The following NCOA1 variants were observed in gnomAD, a reference collection of about 807,000 sequenced individuals.
NCOA1 encodes Hin-2 protein.
In NCOA1, 35 loss-of-function variants were observed where a neutral mutation model predicts 150.9. The ratio of observed to expected loss-of-function variants is 0.23; its 90% CI spans 0.18 to 0.31. NCOA1 has a LOEUF of 0.31. Among genes scored for constraint, NCOA1 ranks in the 10% least tolerant of loss-of-function variants. NCOA1 has a pLI of 1.00. For missense variants in NCOA1, 1,491 were observed against 1,749.3 expected (o/e 0.85, Z 2.63); for synonymous variants, 590 against 630.0 (o/e 0.94, Z 0.95).
chr2:24,536,530 T>C lies in NCOA1; in HGVS notation c.-395-27765T>C, dbSNP rs181449100. On this transcript the variant is annotated intron_variant, in intron 1 of 22. Transcript: ENST00000348332. ...GCTGCAATTCTTTGGAGAAGAAGAG[T>C]CGCTCTGGTTTTTAGAAACCAGCTT... Among the ~76,000 whole-genome samples, 46 of 151,988 alleles carry C rather than the reference T, an allele frequency of 3.0e-4. 1 individual carries two copies. The highest frequency in any genetic ancestry group is 4.6e-4 in the Admixed American group (7 of 15,242).
At position 24,769,801 on chromosome 2, in the gene NCOA1, T is replaced by TC. The variant is rs1665234547; in HGVS notation, c.*1410_*1411insC. The TC allele has an allele frequency of 4.5e-6, 1 of 223,336 alleles. No homozygotes were observed. The highest frequency in any genetic ancestry group is 1.8e-4 in the South Asian group (1 of 5,456). 13.8% of individuals were successfully genotyped at this position (223,336 alleles called of 1,614,324 possible). ...AGTTCCGCTGCAAGGCCAGGAAAGC[T>TC]TGAGAAAGGTATTGTGGAAGAAGCA... On this transcript the variant is annotated 3_prime_UTR_variant, in exon 23 of 23. Transcript: ENST00000348332.
intron 20 of NCOA1, among the ~76,000 whole-genome samples, chr2:24,757,120 T>C (rs1664542680): frequency 6.6e-6 from 1 of 152,192 alleles, no homozygotes. Flanking sequence ...CAACAAGCTA[T>C]AGGATATTGA....
intron 3 of NCOA1, among the ~76,000 whole-genome samples, chr2:24,638,624 T>G (rs1305548180): frequency 6.6e-6 from 1 of 152,182 alleles, no homozygotes; most frequent in Non-Finnish European, 1.5e-5. Context: ...TTAAGAGTTC[T>G]CTTTTCTCCA....
chr2:24,631,522 A>G (rs779360710), intron 3 of NCOA1, among the ~76,000 whole-genome samples: 11 of 152,310 alleles, frequency 7.2e-5, no homozygotes, highest in Middle Eastern at 3.4e-3. Context: ...AGGCATGTAA[A>G]TACTGTACTC....
chr2:24,580,483 A>C (rs1667152284), intron 2 of NCOA1, among the ~76,000 whole-genome samples: 1 of 152,038 alleles, frequency 6.6e-6, no homozygotes, highest in Non-Finnish European at 1.5e-5. Context: ...TTTAGACTGG[A>C]TAGTATCTAT....
chr2:24,722,237 C>G (rs1344075948), intron 14 of NCOA1, among the ~76,000 whole-genome samples: 1 of 152,126 alleles, frequency 6.6e-6, no homozygotes, highest in Non-Finnish European at 1.5e-5. Flanking sequence ...AGCAGTGTGG[C>G]CAAGTGATTT....
chr2:24,655,109 A>C (rs1670874215), intron 4 of NCOA1, among the ~76,000 whole-genome samples: 1 of 152,178 alleles, frequency 6.6e-6, no homozygotes, highest in Non-Finnish European at 1.5e-5. Context: ...TGTAAATTTT[A>C]TTCACTGCTC....
chr2:24,513,195 T>G (rs1463091929), intron 1 of NCOA1, among the ~76,000 whole-genome samples: 1 of 152,146 alleles, frequency 6.6e-6, no homozygotes, highest in African/African-American at 2.4e-5. Context: ...ATCTTAACAT[T>G]TTGCCTTATT....
chr2:24,666,050 C>T (rs1370509827), intron 6 of NCOA1, 135 bp downstream of exon 6: 4 of 488,704 alleles, frequency 8.2e-6, no homozygotes, highest in Non-Finnish European at 1.1e-5. Context: ...CCCGCTCTGT[C>T]GCCCAGGCTG....
intron 1 of NCOA1, among the ~76,000 whole-genome samples, chr2:24,514,983 G>A (rs1249262910): frequency 6.6e-6 from 1 of 152,138 alleles, no homozygotes; most frequent in African/African-American, 2.4e-5. Flanking sequence ...GGATTAAGAA[G>A]CAAGTGTGTG....
intron 21 of NCOA1, among the ~76,000 whole-genome samples, chr2:24,759,962 C>G (rs1281659053): frequency 6.6e-6 from 1 of 151,486 alleles, no homozygotes; most frequent in African/African-American, 2.4e-5. Flanking sequence ...ATTCTACTTA[C>G]AAATTTATAA....
Position 24,704,947 on chromosome 2 carries a change from A to G in NCOA1, c.950-139A>G, listed in dbSNP as rs568927947. On this transcript the variant is annotated intron_variant, in intron 11 of 22. Transcript: ENST00000348332. Reference sequence around the variant, plus strand: ...CTCAGATATCTGCTTTGTCTGAACTATTCTTTATTCTGAGTCTAAGCAGGC... The same window carrying G: ...CTCAGATATCTGCTTTGTCTGAACTGTTCTTTATTCTGAGTCTAAGCAGGC... The G allele has an allele frequency of 2.4e-5, 18 of 751,856 alleles. No individual in the cohort carries two copies. In the South Asian group the frequency reaches 2.6e-4, roughly 11 times the overall value. The allele number at this position is 751,856 out of a possible 1,614,324, so 46.6% of individuals were successfully genotyped here.
intron 3 of NCOA1, among the ~76,000 whole-genome samples, chr2:24,588,152 A>G (rs1667496638): frequency 6.6e-6 from 1 of 151,904 alleles, no homozygotes; most frequent in South Asian, 2.1e-4. Flanking sequence ...TAGTGTGATC[A>G]TGGCTCACTG....
At chr2:24,643,084 T>C (rs1011984058) in intron 3 of NCOA1, among the ~76,000 whole-genome samples, 4 of 152,170 alleles carry the variant, frequency 2.6e-5, no homozygotes, top group African/African-American at 4.8e-5. Flanking sequence ...TGTCATAGAA[T>C]TGTAAAAAAG....
rs147568594 is a variant in NCOA1, at chr2:24,690,737, G to C, written c.533-744G>C. 4.1e-3 allele frequency among the ~76,000 whole-genome samples: 619 copies of C among 149,848 alleles called. 5 individuals are homozygous for C. Among genetic ancestry groups the C allele is most frequent in the African/African-American group, 0.015 (599 of 40,738 alleles). ...CCACGTGATTTAAACATGACACTGT[G>C]ACTGGGAAATTATGAGCTACCACAC... On this transcript the variant is annotated intron_variant, in intron 8 of 22. Coordinates refer to ENST00000348332, the MANE Select transcript of NCOA1 (RefSeq NM_003743.5).
intron 2 of NCOA1, among the ~76,000 whole-genome samples, chr2:24,566,649 G>T (rs894951606): frequency 5.3e-5 from 8 of 152,218 alleles, no homozygotes; most frequent in African/African-American, 1.7e-4. Context: ...CCAGGGACCT[G>T]CCCCTTTCTG....
chr2:24,608,628 A>G (rs926947472), intron 3 of NCOA1, among the ~76,000 whole-genome samples: 21 of 150,942 alleles, frequency 1.4e-4, no homozygotes, highest in African/African-American at 5.1e-4. Flanking sequence ...AGAGACTGAC[A>G]CTGGCTCACT....
At chr2:24,587,162 C>T (rs1440840245) in intron 3 of NCOA1, among the ~76,000 whole-genome samples, 1 of 151,888 alleles carries the variant, frequency 6.6e-6, no homozygotes, top group Non-Finnish European at 1.5e-5. Context: ...ACACTGTAGC[C>T]CACAGATGCT....
At chr2:24,681,775 C>T (rs925982814) in intron 7 of NCOA1, among the ~76,000 whole-genome samples, 1 of 149,398 alleles carries the variant, frequency 6.7e-6, no homozygotes, top group African/African-American at 2.5e-5. Flanking sequence ...AGTGCAGTGG[C>T]GCGATCTCGG....
Sources: gnomAD v4.1 joint callset for allele counts (sites outside exome capture counted in the v4.1 genomes callset) on GRCh38, gnomAD v4.1.1 for gene constraint, MANE v1.5 for transcripts, NCBI Gene and HGNC (gene_info 2026-07-23, HGNC 2026-07-21) for gene names.